The following PRKG1 variants were observed in gnomAD, a reference collection of about 807,000 sequenced individuals.
The protein encoded by PRKG1 is cGMP-dependent protein kinase 1.
In PRKG1, 35 loss-of-function variants were observed where a neutral mutation model predicts 88.1. The ratio of observed to expected loss-of-function variants is 0.40; its 90% confidence interval spans 0.30 to 0.53. PRKG1 has a LOEUF of 0.53. Ranked by LOEUF, PRKG1 falls within the 20% of genes least tolerant of loss-of-function variation. The pLI, the probability that PRKG1 is intolerant of heterozygous loss-of-function variation, is 0.59. For synonymous variants in PRKG1, 303 were observed against 292.5 expected (o/e 1.04, Z -0.37); for missense variants, 540 against 839.8 (o/e 0.64, Z 4.41).
intron 2 of PRKG1, among the ~76,000 whole-genome samples, chr10:51,219,262 A>G (rs749001244): frequency 2.6e-5 from 4 of 152,168 alleles, no homozygotes; most frequent in Admixed American, 6.5e-5. Flanking sequence ...TAAATTGTTA[A>G]ACATATGTTT....
chr10:51,859,850 G>A (rs1288977820), intron 4 of PRKG1, among the ~76,000 whole-genome samples: 1 of 152,096 alleles, frequency 6.6e-6, no homozygotes, highest in Non-Finnish European at 1.5e-5. Context: ...GTGAGGTGTG[G>A]TAATTTTCAT....
intron 8 of PRKG1, among the ~76,000 whole-genome samples, chr10:52,142,989 G>T (rs1837624584): frequency 6.6e-6 from 1 of 152,144 alleles, no homozygotes; most frequent in South Asian, 2.1e-4. Flanking sequence ...ATGAATGGAT[G>T]ATGCCATATT....
chr10:51,737,740 A>ATTT lies in PRKG1; in HGVS notation c.593-66845_593-66844insTTT, dbSNP rs765792966. On this transcript the variant is annotated intron_variant, in intron 3 of 17. Coordinates refer to ENST00000373980, the MANE Select transcript of PRKG1 (RefSeq NM_006258.4). ...TTATTTATTTATTTATTTATTTATT[A>ATTT]ATTATTATTATTATTATTATTATTA... is the stretch of plus-strand genomic sequence containing the variant. Among the ~76,000 whole-genome samples, 742 of 133,386 alleles carry ATTT rather than the reference A, an allele frequency of 5.6e-3. 2 individuals are homozygous for ATTT. The highest frequency in any genetic ancestry group is 0.02 in the East Asian group (90 of 4,528). 87.5% of individuals were successfully genotyped at this position (133,386 alleles called of 152,430 possible). A position where few individuals can be genotyped will look rare whatever the true frequency, so the allele number is the denominator to read the frequency against.
intron 1 of PRKG1, among the ~76,000 whole-genome samples, chr10:51,142,557 T>C (rs1845843379): frequency 6.6e-6 from 1 of 151,846 alleles, no homozygotes; most frequent in Non-Finnish European, 1.5e-5. Flanking sequence ...AGATTATGAA[T>C]GAATGAATAT....
chr10:52,275,642 T>A (rs1392524475), intron 12 of PRKG1, among the ~76,000 whole-genome samples: 1 of 152,164 alleles, frequency 6.6e-6, no homozygotes, highest in Non-Finnish European at 1.5e-5. Context: ...TCTTTTTGCT[T>A]AATCTTGCTT....
intron 1 of PRKG1, among the ~76,000 whole-genome samples, chr10:51,034,088 C>T (rs971442110): frequency 6.6e-6 from 1 of 152,086 alleles, no homozygotes; most frequent in African/African-American, 2.4e-5. Context: ...ATCAGTGAAA[C>T]GTGTAAGAAA....
chr10:51,716,502 T>G (rs1197335874), intron 3 of PRKG1, among the ~76,000 whole-genome samples: 3 of 152,208 alleles, frequency 2.0e-5, no homozygotes, highest in Admixed American at 2.0e-4. Context: ...AAGTGTTTCC[T>G]GGAAATAAGT....
chr10:51,730,509 C>G (rs536188772), intron 3 of PRKG1, among the ~76,000 whole-genome samples: 8 of 152,266 alleles, frequency 5.3e-5, no homozygotes, highest in African/African-American at 1.9e-4. Context: ...CTTTTCCCCC[C>G]TGGCTTGCTT....
At chr10:52,166,829 G>GTATA (rs550569578) in intron 9 of PRKG1, among the ~76,000 whole-genome samples, 12 of 5,574 alleles carry the variant, frequency 2.2e-3, no homozygotes, top group African/African-American at 6.7e-3. Context: ...GTATATATAT[G>GTATA]TATATATATG....
intron 10 of PRKG1, among the ~76,000 whole-genome samples, chr10:52,268,766 G>A (rs1329899142): frequency 2.6e-5 from 4 of 151,964 alleles, no homozygotes; most frequent in African/African-American, 9.7e-5. Flanking sequence ...ATCATTTTTG[G>A]AAATCAGTTT....
chr10:51,304,883 G>A (rs1421032852), intron 2 of PRKG1, among the ~76,000 whole-genome samples: 1 of 151,922 alleles, frequency 6.6e-6, no homozygotes, highest in Non-Finnish European at 1.5e-5. Context: ...TGAAGAAATG[G>A]GGGACCAGAA....
intron 4 of PRKG1, among the ~76,000 whole-genome samples, chr10:51,836,231 A>G (rs1190059197): frequency 1.3e-5 from 2 of 152,194 alleles, no homozygotes; most frequent in Non-Finnish European, 2.9e-5. Context: ...CCACACATCT[A>G]TGGTCAGTTG....
At chr10:51,660,878 T>A (rs118147869) in intron 3 of PRKG1, among the ~76,000 whole-genome samples, 19 of 152,258 alleles carry the variant, frequency 1.2e-4, no homozygotes, top group Non-Finnish European at 2.2e-4. Flanking sequence ...ACAACATATC[T>A]CATTACTGTT....
intron 3 of PRKG1, among the ~76,000 whole-genome samples, chr10:51,694,544 T>C (rs1296516209): frequency 6.6e-6 from 1 of 152,188 alleles, no homozygotes; most frequent in Admixed American, 6.5e-5. Flanking sequence ...TAATCATCAG[T>C]AATATTAGGG....
intron 9 of PRKG1, among the ~76,000 whole-genome samples, chr10:52,175,889 T>C (rs1416160146): frequency 6.6e-6 from 1 of 152,174 alleles, no homozygotes; most frequent in African/African-American, 2.4e-5. Flanking sequence ...GTATTTTGGA[T>C]AGTAATGCCC....
At position 51,486,275 on chromosome 10, in the gene PRKG1, T is replaced by G. The variant is rs1409349; in HGVS notation, c.592+18439T>G. Among the ~76,000 whole-genome samples the G allele has an allele frequency of 9.8e-3, 1,495 of 152,092 alleles. 21 individuals carry two copies. The highest frequency in any genetic ancestry group is 0.034 in the African/African-American group (1,414 of 41,494). ...TCCCCCATCCCCTGACAACTACCATTCCACTCTCTACTTCTGTGAGTTTGA... is the reference window on the plus strand; with the variant it reads ...TCCCCCATCCCCTGACAACTACCATGCCACTCTCTACTTCTGTGAGTTTGA... On this transcript the variant is annotated intron_variant, in intron 3 of 17. Coordinates refer to ENST00000373980, the MANE Select transcript of PRKG1 (RefSeq NM_006258.4).
chr10:51,130,650 C>T (rs896950544), intron 1 of PRKG1, among the ~76,000 whole-genome samples: 1 of 152,056 alleles, frequency 6.6e-6, no homozygotes, highest in Admixed American at 6.6e-5. Context: ...GCTAAATAAT[C>T]CTAGCACTTT....
intron 5 of PRKG1, among the ~76,000 whole-genome samples, chr10:51,964,224 C>T (rs377611712): frequency 1.5e-4 from 23 of 152,190 alleles, no homozygotes; most frequent in East Asian, 1.2e-3. Context: ...ATAATCCCTC[C>T]ACCTCAAGAT....
chr10:51,045,355 T>A (rs1360507688), intron 1 of PRKG1, among the ~76,000 whole-genome samples: 1 of 152,090 alleles, frequency 6.6e-6, no homozygotes, highest in African/African-American at 2.4e-5. Context: ...GGAGTCTCCC[T>A]CTGTCGCCCA....
Sources: allele counts gnomAD v4.1 joint callset (sites outside exome capture counted in the v4.1 genomes callset), GRCh38; gene constraint gnomAD v4.1.1; transcripts MANE v1.5; gene names NCBI Gene and HGNC (gene_info 2026-07-23, HGNC 2026-07-21).